SEMA3D: variants seen among roughly 807,000 people sequenced by gnomAD.
The protein encoded by SEMA3D is semaphorin-3D.
Under a neutral mutation model 100.1 loss-of-function variants are expected in SEMA3D, and 84 were observed. The ratio of observed to expected loss-of-function variants is 0.84; its 90% CI spans 0.70 to 1.01. The LOEUF is 1.01. Among genes scored for constraint, SEMA3D ranks in the 50% least tolerant of loss-of-function variants. The pLI is 0.00. For synonymous variants in SEMA3D, 312 were observed against 320.7 expected (o/e 0.97, Z 0.29); for missense variants, 875 against 934.1 (o/e 0.94, Z 0.82).
chr7:85,167,124 C>G (rs1226250868), intron 1 of SEMA3D: 1 of 244,374 alleles, frequency 4.1e-6, no homozygotes, highest in Non-Finnish European at 6.5e-6. Context: ...AACTGAGACC[C>G]GCCTGAAGAT....
chr7:85,012,648 C>T, intron 17 of SEMA3D, 134 bp downstream of exon 17: 1 of 612,730 alleles, frequency 1.6e-6, no homozygotes. Flanking sequence ...TCCTGTTGCT[C>T]TTCCAGAACA....
the SEMA3D span, among the ~76,000 whole-genome samples, chr7:85,201,003 A>G: frequency 1.3e-5 from 2 of 152,230 alleles, no homozygotes; most frequent in Non-Finnish European, 2.9e-5. Context: ...ATATTTGCCT[A>G]GACCAGCAAT....
intron 8 of SEMA3D, among the ~76,000 whole-genome samples, chr7:85,064,254 CT>C (rs11299446): frequency 0.092 from 13,957 of 152,116 alleles, 2,116 homozygotes; most frequent in African/African-American, 0.32. Flanking sequence ...GGTATCTAAG[CT>C]ATTCTATAGG....
chr7:85,220,463 A>G, the SEMA3D span, among the ~76,000 whole-genome samples: 4 of 151,688 alleles, frequency 2.6e-5, no homozygotes, highest in Non-Finnish European at 4.4e-5. Context: ...TCAATTCACA[A>G]CTTATGAATG....
intron 17 of SEMA3D, 66 bp downstream of exon 17, chr7:85,012,715 TA>T: frequency 8.3e-7 from 1 of 1,205,246 alleles, no homozygotes. Context: ...AGTCATATAA[TA>T]AAAAGATACA....
the SEMA3D span, among the ~76,000 whole-genome samples, chr7:85,248,884 G>A: frequency 1.4e-4 from 22 of 152,220 alleles, no homozygotes; most frequent in South Asian, 3.3e-3. Flanking sequence ...AAACTTCTGT[G>A]TGATACTACA....
intron 1 of SEMA3D, among the ~76,000 whole-genome samples, chr7:85,183,116 T>G (rs1791446790): frequency 6.6e-6 from 1 of 152,106 alleles, no homozygotes; most frequent in African/African-American, 2.4e-5. Context: ...CCCTTGAGAT[T>G]GAGAATTTGA....
At chr7:85,192,735 T>C in the SEMA3D span, among the ~76,000 whole-genome samples, 2 of 152,202 alleles carry the variant, frequency 1.3e-5, no homozygotes, top group African/African-American at 4.8e-5. Context: ...TTAGGACTTT[T>C]AATTTCATTT....
At chr7:85,116,784 G>C (rs1458796280) in intron 3 of SEMA3D, among the ~76,000 whole-genome samples, 1 of 152,054 alleles carries the variant, frequency 6.6e-6, no homozygotes, top group East Asian at 1.9e-4. Flanking sequence ...ATCATTTTCT[G>C]TGTATGGTAT....
chr7:85,226,786 C>T, the SEMA3D span, among the ~76,000 whole-genome samples: 1 of 152,060 alleles, frequency 6.6e-6, no homozygotes, highest in African/African-American at 2.4e-5. Context: ...TTAAACACAG[C>T]CTGCTTTATG....
Position 85,071,047 on chromosome 7 carries a change from G to A in SEMA3D, c.495+1915C>T, listed in dbSNP as rs972499907. Among the ~76,000 whole-genome samples, 6 of 149,662 alleles carry A rather than the reference G, an allele frequency of 4.0e-5. 1 individual carries two copies. The highest frequency in any genetic ancestry group is 1.5e-4 in the African/African-American group (6 of 39,132). ...TGCCCACCTCAGCCTCCCAAAGTGT[G>A]AGCCACTGCGTCCGGCCAGCACTTG... is the stretch of plus-strand genomic sequence containing the variant. On this transcript the variant is annotated intron_variant, in intron 6 of 18. Coordinates refer to ENST00000284136, the MANE Select transcript of SEMA3D (RefSeq NM_001384900.1).
At chr7:85,042,870 A>G (rs1049613246) in intron 9 of SEMA3D, among the ~76,000 whole-genome samples, 18 of 152,046 alleles carry the variant, frequency 1.2e-4, no homozygotes, top group Non-Finnish European at 2.2e-4. Flanking sequence ...GTAAATGGGG[A>G]AAAAAAGTCT....
upstream of SEMA3D, among the ~76,000 whole-genome samples, chr7:85,187,384 C>T (rs577398131): frequency 1.3e-5 from 2 of 152,266 alleles, no homozygotes; most frequent in East Asian, 3.9e-4. Context: ...AGAGTGACCA[C>T]AAACACCGTC....
the SEMA3D span, among the ~76,000 whole-genome samples, chr7:85,207,078 C>T: frequency 1.3e-5 from 2 of 152,048 alleles, no homozygotes; most frequent in Non-Finnish European, 2.9e-5. Flanking sequence ...TACTTATCAA[C>T]TTGTCCTAGA....
At chr7:85,031,264 A>G (rs1382920695) in intron 12 of SEMA3D, among the ~76,000 whole-genome samples, 3 of 152,060 alleles carry the variant, frequency 2.0e-5, no homozygotes, top group Non-Finnish European at 2.9e-5. Flanking sequence ...CTTAGAATTC[A>G]ATCTTAATAG....
intron 9 of SEMA3D, among the ~76,000 whole-genome samples, chr7:85,046,412 AT>A (rs1228646658): frequency 6.6e-6 from 1 of 151,916 alleles, no homozygotes; most frequent in Non-Finnish European, 1.5e-5. Context: ...AAAAATAGAA[AT>A]TTTTTGAACA....
intron 16 of SEMA3D, among the ~76,000 whole-genome samples, chr7:85,014,841 A>T (rs1266605187): frequency 6.6e-6 from 1 of 151,806 alleles, no homozygotes; most frequent in Non-Finnish European, 1.5e-5. Flanking sequence ...AAATTGTTTG[A>T]AGTTCCATAT....
chr7:85,076,325 A>G (rs941650466), intron 5 of SEMA3D, among the ~76,000 whole-genome samples: 43 of 152,054 alleles, frequency 2.8e-4, no homozygotes, highest in African/African-American at 9.9e-4. Context: ...ATCTTAAGTA[A>G]TATTAGATGT....
the SEMA3D span, among the ~76,000 whole-genome samples, chr7:85,219,784 T>C: frequency 6.6e-6 from 1 of 152,080 alleles, no homozygotes; most frequent in Non-Finnish European, 1.5e-5. Flanking sequence ...CAAAGTATGT[T>C]ATTTTACTCC....
Sources: allele counts gnomAD v4.1 joint callset (sites outside exome capture counted in the v4.1 genomes callset), GRCh38; gene constraint gnomAD v4.1.1; transcripts MANE v1.5; gene names NCBI Gene and HGNC (gene_info 2026-07-23, HGNC 2026-07-21).